Variants in DOK6 observed in about 807,000 individuals in gnomAD.
DOK6 encodes the protein downstream of tyrosine kinase 6.
DOK6 carries 22 observed loss-of-function variants against 44.0 expected under a neutral mutation model. That is an observed-to-expected ratio of 0.50 (90% CI 0.36 to 0.71). DOK6 has a LOEUF of 0.71. DOK6 is among the 30% of genes least tolerant of loss of function. DOK6 has a pLI of 0.00. For synonymous variants in DOK6, 166 were observed against 145.5 expected (o/e 1.14, Z -1.01); for missense variants, 340 against 416.4 (o/e 0.82, Z 1.60).
At chr18:69,428,815 T>G (rs1033039063) in intron 1 of DOK6, among the ~76,000 whole-genome samples, 1 of 152,232 alleles carries the variant, frequency 6.6e-6, no homozygotes, top group Admixed American at 6.5e-5. Context: ...AACAAACTCC[T>G]AGAGTGTCAG....
chr18:69,743,575 G>T (rs1356145342), intron 6 of DOK6, among the ~76,000 whole-genome samples: 2 of 152,024 alleles, frequency 1.3e-5, no homozygotes, highest in African/African-American at 4.8e-5. Flanking sequence ...TAAATGAAAG[G>T]TGCTTTCTTT....
At chr18:69,521,782 TG>T (rs1338281342) in intron 1 of DOK6, among the ~76,000 whole-genome samples, 1 of 152,012 alleles carries the variant, frequency 6.6e-6, no homozygotes, top group East Asian at 1.9e-4. Context: ...AATAATGTAT[TG>T]AATATTATGC....
chr18:69,840,232 G>C (rs190446934), intron 7 of DOK6, among the ~76,000 whole-genome samples: 1 of 152,372 alleles, frequency 6.6e-6, no homozygotes, highest in South Asian at 2.1e-4. Flanking sequence ...TCGCCCAGGC[G>C]ATCAGATGAC....
At chr18:69,671,875 G>A (rs1296985620) in intron 3 of DOK6, among the ~76,000 whole-genome samples, 1 of 152,216 alleles carries the variant, frequency 6.6e-6, no homozygotes, top group Non-Finnish European at 1.5e-5. Context: ...CTAGGGTAAA[G>A]GGTGACTAGA....
intron 1 of DOK6, among the ~76,000 whole-genome samples, chr18:69,437,995 T>G (rs1188125109): frequency 6.6e-6 from 1 of 152,222 alleles, no homozygotes; most frequent in African/African-American, 2.4e-5. Context: ...ATGCCAATGA[T>G]CATCTGAGAC....
chr18:69,463,018 T>C (rs1979828704), intron 1 of DOK6, among the ~76,000 whole-genome samples: 1 of 152,208 alleles, frequency 6.6e-6, no homozygotes, highest in Non-Finnish European at 1.5e-5. Flanking sequence ...TCTTAGTCCA[T>C]TTGGATGGCT....
intron 3 of DOK6, among the ~76,000 whole-genome samples, chr18:69,599,808 G>C (rs901932209): frequency 3.9e-5 from 6 of 152,234 alleles, no homozygotes; most frequent in South Asian, 2.1e-4. Context: ...TCTGGTTCTT[G>C]CTCATTGTGT....
At chr18:69,469,871 CT>C in intron 1 of DOK6, 1 of 236,202 alleles carries the variant, frequency 4.2e-6, no homozygotes, top group Non-Finnish European at 8.8e-6. Flanking sequence ...TGTGCCGACC[CT>C]TCCCCAGGAA....
intron 5 of DOK6, among the ~76,000 whole-genome samples, chr18:69,734,219 C>G (rs1338727386): frequency 6.6e-6 from 1 of 151,234 alleles, no homozygotes; most frequent in Non-Finnish European, 1.5e-5. Context: ...TGACTTGAGA[C>G]TCTACTTGGA....
chr18:69,467,529 G>C (rs1979962796), intron 1 of DOK6, among the ~76,000 whole-genome samples: 1 of 152,126 alleles, frequency 6.6e-6, no homozygotes, highest in African/African-American at 2.4e-5. Context: ...TCATTTCATA[G>C]TTATCCAAGG....
chr18:69,632,338 A>G (rs1262928722), intron 3 of DOK6, among the ~76,000 whole-genome samples: 1 of 152,140 alleles, frequency 6.6e-6, no homozygotes, highest in Non-Finnish European at 1.5e-5. Context: ...AGTTTTTAAT[A>G]TATGTAGCTC....
At chr18:69,816,523 T>C (rs1237701077) in intron 7 of DOK6, among the ~76,000 whole-genome samples, 1 of 152,216 alleles carries the variant, frequency 6.6e-6, no homozygotes, top group Non-Finnish European at 1.5e-5. Context: ...CTTGTTACTT[T>C]GGAGTATTAT....
chr18:69,460,741 G>T (rs1327259632), intron 1 of DOK6, among the ~76,000 whole-genome samples: 1 of 152,116 alleles, frequency 6.6e-6, no homozygotes, highest in African/African-American at 2.4e-5. Context: ...TACTCATAAA[G>T]ACGTGTTAAA....
chr18:69,558,576 T>G (rs942127365), intron 1 of DOK6, among the ~76,000 whole-genome samples: 7 of 152,184 alleles, frequency 4.6e-5, no homozygotes, highest in Non-Finnish European at 8.8e-5. Flanking sequence ...ATAAATTATA[T>G]GCTTTCATTA....
At chr18:69,538,594 G>C (rs914984533) in intron 1 of DOK6, among the ~76,000 whole-genome samples, 3 of 152,032 alleles carry the variant, frequency 2.0e-5, no homozygotes, top group African/African-American at 7.2e-5. Context: ...TATTGCCCAT[G>C]CTGGCCTCCA....
intron 3 of DOK6, among the ~76,000 whole-genome samples, chr18:69,655,761 C>CAAAAAAAAAAAAAAAAAA (rs74175379): frequency 1.4e-4 from 6 of 43,170 alleles, no homozygotes; most frequent in African/African-American, 3.2e-4. Context: ...CCCCACCCCT[C>CAAAAAAAAAAAAAAAAAA]AAAAAAAAAA....
intron 5 of DOK6, among the ~76,000 whole-genome samples, chr18:69,715,667 A>T (rs1302818498): frequency 6.6e-6 from 1 of 152,062 alleles, no homozygotes; most frequent in Non-Finnish European, 1.5e-5. Context: ...GAAATAAAGG[A>T]CTCTCTCTAA....
intron 1 of DOK6, among the ~76,000 whole-genome samples, chr18:69,402,648 C>T (rs1177093650): frequency 1.3e-5 from 2 of 152,146 alleles, no homozygotes; most frequent in Admixed American, 6.5e-5. Context: ...ACAACAGGGG[C>T]CCATTCTGGA....
intron 2 of DOK6, among the ~76,000 whole-genome samples, chr18:69,568,315 C>T (rs1458857315): frequency 6.6e-6 from 1 of 152,200 alleles, no homozygotes; most frequent in Non-Finnish European, 1.5e-5. Flanking sequence ...TGGAATTGTG[C>T]ACCTGCACTC....
Sources: allele counts gnomAD v4.1 joint callset (sites outside exome capture counted in the v4.1 genomes callset), GRCh38; gene constraint gnomAD v4.1.1; transcripts MANE v1.5; gene names NCBI Gene and HGNC (gene_info 2026-07-23, HGNC 2026-07-21).